The following ZNF438 variants were observed in gnomAD, a reference collection of about 807,000 sequenced individuals.
ZNF438 encodes zinc finger protein 438.
Under a neutral mutation model 38.0 loss-of-function variants are expected in ZNF438, and 25 were observed. The observed-to-expected ratio is 0.66, with a 90% CI of 0.48 to 0.92. The LOEUF (loss-of-function observed/expected upper bound fraction) is 0.92. Ranked by LOEUF, ZNF438 falls within the 40% of genes least tolerant of loss-of-function variation. The probability of loss-of-function intolerance (pLI) is 0.00; values close to 1 mark genes in which losing one functional copy is unlikely to be tolerated. For missense variants in ZNF438, 1,007 were observed against 999.6 expected, an observed-to-expected ratio of 1.01 and a Z score of -0.10; for synonymous variants, 372 against 364.1, an observed-to-expected ratio of 1.02 and a Z score of -0.25.
At chr10:31,001,508 G>A (rs2054657675) in intron 1 of ZNF438, among the ~76,000 whole-genome samples, 1 of 152,024 alleles carries the variant, frequency 6.6e-6, no homozygotes. Flanking sequence ...AAGAGAGGGA[G>A]GTCAAGTGTG....
At chr10:30,888,742 A>G (rs9416933) in intron 3 of ZNF438, among the ~76,000 whole-genome samples, 118,823 of 152,228 alleles carry the variant, frequency 0.78, 47,153 homozygotes, top group African/African-American at 0.89. Flanking sequence ...TCCATGGTGT[A>G]TATGTACCAC....
intron 4 of ZNF438, among the ~76,000 whole-genome samples, chr10:30,866,870 G>C (rs185065120): frequency 3.3e-5 from 5 of 151,928 alleles, no homozygotes; most frequent in Non-Finnish European, 7.4e-5. Flanking sequence ...TGGTGCTTAC[G>C]TTAATGAATG....
At chr10:30,875,931 A>T (rs1338444790) in intron 4 of ZNF438, among the ~76,000 whole-genome samples, 2 of 152,184 alleles carry the variant, frequency 1.3e-5, no homozygotes, top group African/African-American at 4.8e-5. Context: ...TTATCATCAT[A>T]TAAGTGCCTA....
intron 1 of ZNF438, among the ~76,000 whole-genome samples, chr10:30,978,510 T>C (rs2051693066): frequency 6.6e-6 from 1 of 152,296 alleles, no homozygotes; most frequent in South Asian, 2.1e-4. Context: ...AGTGTACTTT[T>C]CAGTGGGTTT....
chr10:30,941,370 C>A (rs1022456855), intron 2 of ZNF438, among the ~76,000 whole-genome samples: 61 of 152,224 alleles, frequency 4.0e-4, no homozygotes, highest in African/African-American at 1.4e-3. Context: ...CCATGCCTGG[C>A]CAGAACATTT....
chr10:31,023,593 G>A (rs1284420798), intron 1 of ZNF438, among the ~76,000 whole-genome samples: 3 of 152,310 alleles, frequency 2.0e-5, no homozygotes, highest in African/African-American at 7.2e-5. Context: ...ACATCAACAT[G>A]TTTGACATAA....
intron 4 of ZNF438, among the ~76,000 whole-genome samples, chr10:30,858,091 G>A (rs1449896259): frequency 6.6e-6 from 1 of 152,242 alleles, no homozygotes; most frequent in African/African-American, 2.4e-5. Flanking sequence ...TAAGAGTGCA[G>A]AAGGGAGCAG....
At chr10:30,869,868 T>G (rs1037128319) in intron 4 of ZNF438, among the ~76,000 whole-genome samples, 1 of 152,196 alleles carries the variant, frequency 6.6e-6, no homozygotes, top group Admixed American at 6.5e-5. Flanking sequence ...TTTCCCCCAA[T>G]AGTGAGGTCA....
intron 1 of ZNF438, among the ~76,000 whole-genome samples, chr10:31,023,863 A>T (rs1419978930): frequency 6.6e-6 from 1 of 152,174 alleles, no homozygotes; most frequent in Non-Finnish European, 1.5e-5. Flanking sequence ...AAATTTTTGC[A>T]CTTTTCAAAA....
intron 3 of ZNF438, 110 bp from the exon 5 acceptor site, chr10:30,877,175 T>G: frequency 2.0e-6 from 1 of 501,984 alleles, no homozygotes; most frequent in South Asian, 4.7e-5. Flanking sequence ...TTTATAACTA[T>G]ATGAGTAATA....
At chr10:30,850,641 T>C (rs1472781255) in intron 4 of ZNF438, among the ~76,000 whole-genome samples, 1 of 152,220 alleles carries the variant, frequency 6.6e-6, no homozygotes, top group African/African-American at 2.4e-5. Context: ...GTATCTCTAC[T>C]AGTCAACACT....
intron 2 of ZNF438, 133 bp from the exon 4 acceptor site, chr10:30,909,148 A>G (rs1303668150): frequency 1.3e-5 from 2 of 152,326 alleles, no homozygotes; most frequent in East Asian, 3.9e-4. Flanking sequence ...AAAGTCATAA[A>G]GATATTTGCC....
intron 1 of ZNF438, among the ~76,000 whole-genome samples, chr10:30,955,088 T>C (rs993831238): frequency 4.6e-5 from 7 of 152,226 alleles, no homozygotes; most frequent in African/African-American, 1.7e-4. Flanking sequence ...TATGACTGCC[T>C]CTTCATTATA....
At chr10:30,867,158 CCTTT>C (rs1323526310) in intron 4 of ZNF438, among the ~76,000 whole-genome samples, 1 of 152,154 alleles carries the variant, frequency 6.6e-6, no homozygotes, top group Non-Finnish European at 1.5e-5. Flanking sequence ...ATATCCCCTT[CCTTT>C]CTGACTACTG....
At chr10:30,899,171 G>A (rs2041704749) in intron 3 of ZNF438, among the ~76,000 whole-genome samples, 1 of 152,032 alleles carries the variant, frequency 6.6e-6, no homozygotes, top group African/African-American at 2.4e-5. Context: ...TTAGCTTCAG[G>A]ACCTTGGACA....
chr10:30,849,165 T>A lies in ZNF438; in HGVS notation c.1240A>T (p.Arg414Ter). The A allele has an allele frequency of 6.2e-7, 1 of 1,613,940 alleles. No individual in the cohort carries two copies. ...AATTCTTGGGGATCATTTTTTACTCTTTCTTTACCATCTCTACACTTATTA... is the reference window on the plus strand; with the variant it reads ...AATTCTTGGGGATCATTTTTTACTCATTCTTTACCATCTCTACACTTATTA... Residue 414 changes from arginine (R) to a stop codon, truncating the protein, a stop_gained, in exon 5 of 6, where the codon AGA (arginine) becomes TGA (stop). Transcript: ENST00000413025. LOFTEE classifies it high-confidence loss of function.
chr10:30,961,273 AATTT>A (rs2049456281), intron 1 of ZNF438, among the ~76,000 whole-genome samples: 2 of 144,610 alleles, frequency 1.4e-5, no homozygotes, highest in Non-Finnish European at 3.1e-5. Context: ...AAAATTTTTT[AATTT>A]ATTATACCTT....
At chr10:30,989,053 A>C (rs1018380902) in intron 1 of ZNF438, among the ~76,000 whole-genome samples, 2 of 152,222 alleles carry the variant, frequency 1.3e-5, no homozygotes, top group African/African-American at 4.8e-5. Context: ...AGTCTACATC[A>C]AGATGGTAAC....
intron 1 of ZNF438, among the ~76,000 whole-genome samples, chr10:30,998,660 A>ATT (rs1449992392): frequency 6.7e-6 from 1 of 148,548 alleles, no homozygotes; most frequent in Non-Finnish European, 1.5e-5. Context: ...TTATTAAAGT[A>ATT]TTTTTAAAGC....
Sources: gnomAD v4.1 joint callset for allele counts (sites outside exome capture counted in the v4.1 genomes callset) on GRCh38, gnomAD v4.1.1 for gene constraint, MANE v1.5 for transcripts, NCBI Gene and HGNC (gene_info 2026-07-23, HGNC 2026-07-21) for gene names.